Variants in QTRT2 observed in about 807,000 individuals in gnomAD.
QTRT2 encodes queuine tRNA-ribosyltransferase domain containing 1.
A neutral mutation model predicts 44.8 loss-of-function variants in QTRT2; 32 were observed. The observed-to-expected ratio is 0.71, with a 90% CI of 0.54 to 0.96. The LOEUF is 0.96. Among genes scored for constraint, QTRT2 ranks in the 40% least tolerant of loss-of-function variants. QTRT2 has a pLI of 0.00. For missense variants in QTRT2, 461 were observed against 503.1 expected (o/e 0.92, Z 0.80); for synonymous variants, 182 against 187.4 (o/e 0.97, Z 0.24).
intron 8 of QTRT2, among the ~76,000 whole-genome samples, chr3:114,081,591 C>T (rs1354178932): frequency 6.6e-6 from 1 of 152,070 alleles, no homozygotes; most frequent in Non-Finnish European, 1.5e-5. Context: ...GTGCATGCCA[C>T]CATGCTGGGC....
chr3:114,058,901 C>T (rs2076846121), intron 2 of QTRT2, among the ~76,000 whole-genome samples: 1 of 152,140 alleles, frequency 6.6e-6, no homozygotes, highest in Non-Finnish European at 1.5e-5. Context: ...GTCCTTCAGT[C>T]ATTTTTCTAT....
chr3:114,070,488 A>G (rs1334676911), intron 5 of QTRT2, 138 bp from the exon 6 acceptor site: 3 of 706,868 alleles, frequency 4.2e-6, no homozygotes, highest in Admixed American at 5.0e-5. Context: ...ATAAGATCCT[A>G]TTACCCACCA....
intron 8 of QTRT2, among the ~76,000 whole-genome samples, chr3:114,080,725 A>G (rs1005280397): frequency 6.6e-6 from 1 of 152,170 alleles, no homozygotes; most frequent in Non-Finnish European, 1.5e-5. Context: ...GCCTTCAGAA[A>G]TGACCTTTCC....
chr3:114,084,060 C>CT (rs36088762), intron 9 of QTRT2, among the ~76,000 whole-genome samples: 4,230 of 134,602 alleles, frequency 0.031, 153 homozygotes, highest in East Asian at 0.09. Context: ...TCACTTTTTT[C>CT]TTTTTTTTTT....
rs888043944 is a variant in QTRT2 at position 114,056,780 on chromosome 3, G to A, written c.-214G>A. On this transcript the variant is annotated 5_prime_UTR_variant, in exon 1 of 10. Transcript: ENST00000281273. ...CTGCACTGGAGGCAGTGATTTTGGG[G>A]CAGAGAATTTTGCAACACGTGGTAG... is the stretch of plus-strand genomic sequence containing the variant. 2.6e-6 allele frequency: 4 copies of A among 1,509,904 alleles called. No individual in the cohort carries two copies. The highest frequency in any genetic ancestry group is 2.7e-6 in the Non-Finnish European group (3 of 1,128,560). The allele number at this position is 1,509,904 out of a possible 1,614,324, so 93.5% of individuals were successfully genotyped here.
At chr3:114,058,477 C>T (rs2076838524) in intron 2 of QTRT2, among the ~76,000 whole-genome samples, 1 of 152,154 alleles carries the variant, frequency 6.6e-6, no homozygotes, top group African/African-American at 2.4e-5. Flanking sequence ...AATGGTGTAA[C>T]GATTTCCGAA....
chr3:114,074,061 C>A (rs552746563), intron 6 of QTRT2, among the ~76,000 whole-genome samples: 15 of 152,272 alleles, frequency 9.9e-5, no homozygotes, highest in African/African-American at 3.6e-4. Context: ...TGGTCGGGTG[C>A]AGCAAGAAGA....
intron 2 of QTRT2, chr3:114,057,633 C>G (rs1159737504): frequency 6.6e-6 from 1 of 152,070 alleles, no homozygotes; most frequent in Non-Finnish European, 1.5e-5. Flanking sequence ...TGCAGTACCA[C>G]GAAGTAGTTT....
At chr3:114,059,761 G>A (rs934538692) in intron 2 of QTRT2, among the ~76,000 whole-genome samples, 4 of 152,124 alleles carry the variant, frequency 2.6e-5, no homozygotes, top group Admixed American at 2.0e-4. Context: ...CCAGTCATCT[G>A]CTTTTGCTTC....
Position 114,067,858 on chromosome 3 carries a change from G to C in QTRT2, c.257-129G>C. 3 of 690,464 alleles carry C rather than the reference G, an allele frequency of 4.3e-6. 1 individual carries two copies. The South Asian group carries it at 5.2e-5, about 12-fold the overall frequency. 42.8% of individuals were successfully genotyped at this position (690,464 alleles called of 1,614,324 possible). On this transcript the variant is annotated intron_variant, in intron 4 of 9. Coordinates refer to ENST00000281273, the MANE Select transcript of QTRT2 (RefSeq NM_024638.4). ...TAGGCCTTCTCTAATTCCAAGTTCA[G>C]ATACAACCTATTGACAGTGTTTAGA... is the stretch of plus-strand genomic sequence containing the variant.
chr3:114,059,684 T>C (rs2076857008), intron 2 of QTRT2, among the ~76,000 whole-genome samples: 1 of 152,226 alleles, frequency 6.6e-6, no homozygotes, highest in Non-Finnish European at 1.5e-5. Flanking sequence ...TTTTAAAATA[T>C]TTGCATTCAT....
rs2077257299 is a variant in QTRT2 at position 114,087,846 on chromosome 3, T to A, written c.*1942T>A. ...CCAAGGGGATGGCCCAGGCCATTCA[T>A]GAGGGATCCACCTTTGTGCTCCAAA... On this transcript the variant is annotated 3_prime_UTR_variant, in exon 10 of 10. Coordinates refer to ENST00000281273, the MANE Select transcript of QTRT2 (RefSeq NM_024638.4). 2 of 152,222 alleles carry A rather than the reference T, an allele frequency of 1.3e-5. No homozygotes were observed. The highest frequency in any genetic ancestry group is 4.1e-4 in the South Asian group (2 of 4,836). 9.4% of individuals were successfully genotyped at this position (152,222 alleles called of 1,614,324 possible).
chr3:114,081,498 T>C (rs529644147), intron 8 of QTRT2, among the ~76,000 whole-genome samples: 1 of 152,254 alleles, frequency 6.6e-6, no homozygotes, highest in Non-Finnish European at 1.5e-5. Flanking sequence ...ACCTTTGAAC[T>C]GCTTGGTAAA....
At chr3:114,079,589 C>A (rs905562704) in intron 7 of QTRT2, 1 of 205,592 alleles carries the variant, frequency 4.9e-6, no homozygotes, top group African/African-American at 2.4e-5. Context: ...TTAATCCTCA[C>A]AACAATTCTG....
At position 114,088,282 on chromosome 3, in the gene QTRT2, ATTCCT is replaced by A. The variant is rs1162417023; in HGVS notation, c.*2386_*2390del. The A allele has an allele frequency of 6.6e-6, 1 of 152,204 alleles. No homozygotes were observed. The highest frequency in any genetic ancestry group is 6.5e-5 in the Admixed American group (1 of 15,276). The allele number at this position is 152,204 out of a possible 1,614,324, so 9.4% of individuals were successfully genotyped here. A position where few individuals can be genotyped will look rare whatever the true frequency, so the allele number is the denominator to read the frequency against. On this transcript the variant is annotated 3_prime_UTR_variant, in exon 10 of 10. Coordinates refer to ENST00000281273, the MANE Select transcript of QTRT2 (RefSeq NM_024638.4). ...TCTTATTAGCACATTTGAGAAAAAT[ATTCCT>A]TTCCTTTATTGTAGTAAATCTATTA...
At chr3:114,075,717 C>T (rs185982780) in intron 6 of QTRT2, among the ~76,000 whole-genome samples, 53 of 152,026 alleles carry the variant, frequency 3.5e-4, no homozygotes, top group Admixed American at 2.9e-3. Flanking sequence ...CAGTGTTGGC[C>T]AGGCTGGTCT....
At chr3:114,069,769 G>A (rs1312702701) in intron 5 of QTRT2, among the ~76,000 whole-genome samples, 1 of 152,144 alleles carries the variant, frequency 6.6e-6, no homozygotes, top group Non-Finnish European at 1.5e-5. Flanking sequence ...CCAGTAACGG[G>A]ATTGCTGGGT....
At chr3:114,074,864 T>C (rs2077068171) in intron 6 of QTRT2, among the ~76,000 whole-genome samples, 1 of 152,252 alleles carries the variant, frequency 6.6e-6, no homozygotes, top group African/African-American at 2.4e-5. Flanking sequence ...TCTCTATAAA[T>C]GCATATATTG....
intron 2 of QTRT2, among the ~76,000 whole-genome samples, chr3:114,060,458 C>T (rs909895797): frequency 6.7e-6 from 1 of 149,876 alleles, no homozygotes; most frequent in African/African-American, 2.4e-5. Flanking sequence ...CAAATGGTTC[C>T]AAACCCCAGA....
Sources: gnomAD v4.1 joint callset for allele counts (sites outside exome capture counted in the v4.1 genomes callset) on GRCh38, gnomAD v4.1.1 for gene constraint, MANE v1.5 for transcripts, NCBI Gene and HGNC (gene_info 2026-07-23, HGNC 2026-07-21) for gene names.